Variants in SNTG1 observed in about 807,000 individuals in gnomAD.
SNTG1 encodes syntrophin gamma 1.
A neutral mutation model predicts 74.7 loss-of-function variants in SNTG1; 39 were observed. That is an observed-to-expected ratio of 0.52 (90% CI 0.40 to 0.68). The LOEUF is 0.68. Among genes scored for constraint, SNTG1 ranks in the 30% least tolerant of loss-of-function variants. The pLI, the probability that SNTG1 is intolerant of heterozygous loss-of-function variation, is 0.00. For synonymous variants in SNTG1, 254 were observed against 217.1 expected (o/e 1.17, Z -1.49); for missense variants, 685 against 609.5 (o/e 1.12, Z -1.30).
At chr8:50,177,567 G>A (rs780795566) in intron 2 of SNTG1, among the ~76,000 whole-genome samples, 7 of 152,158 alleles carry the variant, frequency 4.6e-5, no homozygotes, top group Non-Finnish European at 8.8e-5. Context: ...CAGAGAGGCT[G>A]GTTACAGCCA....
intron 12 of SNTG1, among the ~76,000 whole-genome samples, chr8:50,560,844 T>A (rs1383523524): frequency 2.0e-5 from 3 of 151,952 alleles, no homozygotes; most frequent in Non-Finnish European, 2.9e-5. Flanking sequence ...AACCTGCACA[T>A]CCTACACATG....
intron 1 of SNTG1, among the ~76,000 whole-genome samples, chr8:49,934,317 ATC>A (rs1187501765): frequency 2.0e-4 from 30 of 151,874 alleles, no homozygotes; most frequent in Middle Eastern, 3.4e-3. Flanking sequence ...CTATCTATCT[ATC>A]TATCTATCTA....
At chr8:49,919,532 CTTG>C (rs1451146206) in intron 1 of SNTG1, among the ~76,000 whole-genome samples, 1 of 151,966 alleles carries the variant, frequency 6.6e-6, no homozygotes, top group Non-Finnish European at 1.5e-5. Context: ...GGCTCATTGG[CTTG>C]TTGTTTCTCT....
chr8:50,350,640 C>T (rs1376941622), intron 2 of SNTG1, among the ~76,000 whole-genome samples: 2 of 151,938 alleles, frequency 1.3e-5, no homozygotes, highest in Admixed American at 6.6e-5. Context: ...TGTAAACACA[C>T]CAATCAGCAC....
intron 8 of SNTG1, among the ~76,000 whole-genome samples, chr8:50,457,296 C>T (rs963892940): frequency 6.6e-5 from 10 of 152,130 alleles, no homozygotes; most frequent in African/African-American, 2.4e-5. Context: ...TCTAATGGGG[C>T]TAACTATGGG....
chr8:50,431,899 T>C (rs2093240804), intron 4 of SNTG1, among the ~76,000 whole-genome samples: 1 of 152,216 alleles, frequency 6.6e-6, no homozygotes, highest in African/African-American at 2.4e-5. Flanking sequence ...CTGAGTGTTA[T>C]GAGTTATTTG....
intron 17 of SNTG1, 151 bp downstream of exon 17, chr8:50,709,129 C>A: frequency 3.3e-6 from 2 of 606,782 alleles, no homozygotes; most frequent in South Asian, 2.3e-5. Flanking sequence ...AATTATGCTT[C>A]GATCTGAAAA....
intron 2 of SNTG1, among the ~76,000 whole-genome samples, chr8:50,252,388 A>G (rs2086681531): frequency 6.6e-6 from 1 of 152,176 alleles, no homozygotes; most frequent in African/African-American, 2.4e-5. Context: ...ATAGAGACTA[A>G]AATAATTCAT....
intron 15 of SNTG1, among the ~76,000 whole-genome samples, chr8:50,687,481 T>C (rs959516823): frequency 6.6e-6 from 1 of 152,174 alleles, no homozygotes. Flanking sequence ...GAATCAGAGG[T>C]AGCAATACTT....
At chr8:50,354,309 A>G (rs1422048506) in intron 2 of SNTG1, among the ~76,000 whole-genome samples, 1 of 152,182 alleles carries the variant, frequency 6.6e-6, no homozygotes. Flanking sequence ...GTGCAAACTA[A>G]AGCATGGTCA....
chr8:49,958,198 C>A (rs527719489), intron 1 of SNTG1, among the ~76,000 whole-genome samples: 35 of 152,204 alleles, frequency 2.3e-4, no homozygotes, highest in Non-Finnish European at 4.0e-4. Context: ...AAAGGCCCAG[C>A]CTATGGGGAT....
intron 2 of SNTG1, among the ~76,000 whole-genome samples, chr8:50,378,059 C>T (rs2092419500): frequency 6.6e-6 from 1 of 152,252 alleles, no homozygotes; most frequent in Non-Finnish European, 1.5e-5. Context: ...CTGTGCTTGG[C>T]TCATGCTACC....
At chr8:50,269,461 C>G (rs1030753258) in intron 2 of SNTG1, among the ~76,000 whole-genome samples, 1 of 151,998 alleles carries the variant, frequency 6.6e-6, no homozygotes, top group African/African-American at 2.4e-5. Context: ...TGTTACCACT[C>G]GGGGAAATGC....
At chr8:50,399,827 T>G (rs1424202992) in intron 3 of SNTG1, among the ~76,000 whole-genome samples, 6 of 152,230 alleles carry the variant, frequency 3.9e-5, no homozygotes, top group Admixed American at 3.3e-4. Context: ...TGAAAGATTT[T>G]TGTCCTCTAG....
intron 2 of SNTG1, among the ~76,000 whole-genome samples, chr8:50,351,398 A>G (rs1395744244): frequency 6.6e-6 from 1 of 152,228 alleles, no homozygotes; most frequent in African/African-American, 2.4e-5. Flanking sequence ...TAGTTTTGAC[A>G]GAAATGATGA....
At chr8:50,593,019 G>A (rs752479515) in intron 13 of SNTG1, among the ~76,000 whole-genome samples, 11 of 152,126 alleles carry the variant, frequency 7.2e-5, no homozygotes, top group Non-Finnish European at 1.6e-4. Flanking sequence ...ATCTGAGCCA[G>A]TTTTAAAAAC....
Position 50,792,756 on chromosome 8 carries a change from T to C in SNTG1, c.1481T>C (p.Phe494Ser), listed in dbSNP as rs1457283164. ...AAGGTAGCTTGTTTGGACCCTCTAT[T>C]TTTAGGCAATCAAGCTACTGCTTCT... is the stretch of plus-strand genomic sequence containing the variant. ...AAKVACLDPL[F>S]LGNQATASTA... The change falls in exon 19 of 19, where the codon TTT (phenylalanine) becomes TCT (serine). Residue 494 changes from phenylalanine to serine, a missense_variant. By Grantham distance (155) the Phe-to-Ser change is radical. Coordinates refer to ENST00000642720, the MANE Select transcript of SNTG1 (RefSeq NM_018967.5). 3 of 1,612,694 alleles carry C rather than the reference T, an allele frequency of 1.9e-6. No individual in the cohort carries two copies. The highest frequency in any genetic ancestry group is 1.7e-6 in the Non-Finnish European group (2 of 1,179,004).
At chr8:50,458,010 ATTT>A (rs1003672715) in intron 8 of SNTG1, 1 of 152,216 alleles carries the variant, frequency 6.6e-6, no homozygotes, top group African/African-American at 2.4e-5. Context: ...CAAATAGTAC[ATTT>A]GGACTCTCCT....
chr8:50,627,894 G>A (rs1032475761), intron 13 of SNTG1, among the ~76,000 whole-genome samples: 3 of 152,082 alleles, frequency 2.0e-5, no homozygotes, highest in African/African-American at 7.2e-5. Context: ...AGTTCTTATG[G>A]AGACTGCATT....
Sources: allele counts gnomAD v4.1 joint callset (sites outside exome capture counted in the v4.1 genomes callset), GRCh38; gene constraint gnomAD v4.1.1; transcripts MANE v1.5; gene names NCBI Gene and HGNC (gene_info 2026-07-23, HGNC 2026-07-21).